LARGE1: variants seen among roughly 807,000 people sequenced by gnomAD.
The protein encoded by LARGE1 is LARGE xylosyl- and glucuronyltransferase 1, also known as xylosyl- and glucuronyltransferase LARGE1.
LARGE1 carries 43 observed loss-of-function variants against 87.6 expected under a neutral mutation model. The observed-to-expected ratio is 0.49, with a 90% CI of 0.38 to 0.63. LARGE1 has a LOEUF of 0.63. Ranked by LOEUF, LARGE1 falls within the 30% of genes least tolerant of loss-of-function variation. The probability of loss-of-function intolerance (pLI) is 0.00; values close to 1 mark genes in which losing one functional copy is unlikely to be tolerated. For synonymous variants in LARGE1, 434 were observed against 394.6 expected, an observed-to-expected ratio of 1.10 and a Z score of -1.18; for missense variants, 802 against 1,000.2, an observed-to-expected ratio of 0.80 and a Z score of 2.67.
At chr22:33,915,614 C>T (rs922982821) in intron 1 of LARGE1, among the ~76,000 whole-genome samples, 12 of 152,012 alleles carry the variant, frequency 7.9e-5, no homozygotes, top group African/African-American at 1.9e-4. Flanking sequence ...AAATGCTGTA[C>T]GTAGAATGAT....
intron 13 of LARGE1, among the ~76,000 whole-genome samples, chr22:33,280,345 G>T (rs1311473868): frequency 6.8e-6 from 1 of 146,220 alleles, no homozygotes; most frequent in Non-Finnish European, 1.5e-5. Flanking sequence ...AAGAGAAAGA[G>T]AAAATTCTCT....
chr22:33,308,734 C>T (rs968088375), intron 11 of LARGE1, among the ~76,000 whole-genome samples: 6 of 152,256 alleles, frequency 3.9e-5, no homozygotes, highest in South Asian at 4.1e-4. Flanking sequence ...ACCTAGTTTA[C>T]GGCAGACACA....
chr22:33,671,643 G>A (rs1044169226), intron 2 of LARGE1, among the ~76,000 whole-genome samples: 3 of 152,178 alleles, frequency 2.0e-5, no homozygotes, highest in Non-Finnish European at 4.4e-5. Flanking sequence ...GGTGAAATCT[G>A]AAATGCTTAA....
chr22:33,427,912 C>T (rs1448174656), intron 7 of LARGE1, among the ~76,000 whole-genome samples: 1 of 152,228 alleles, frequency 6.6e-6, no homozygotes, highest in Non-Finnish European at 1.5e-5. Context: ...ACAAACATCT[C>T]ATATGCTTTT....
chr22:33,137,844 C>T, the LARGE1 span, among the ~76,000 whole-genome samples: 1 of 152,170 alleles, frequency 6.6e-6, no homozygotes, highest in East Asian at 1.9e-4. Context: ...AATCAGATTT[C>T]AGAAGATATA....
At chr22:33,099,396 G>C in the LARGE1 span, among the ~76,000 whole-genome samples, 1 of 151,048 alleles carries the variant, frequency 6.6e-6, no homozygotes, top group Non-Finnish European at 1.5e-5. Context: ...TGGGATTACA[G>C]ACATGCGCCA....
chr22:33,451,487 C>T (rs1432390072), intron 6 of LARGE1, among the ~76,000 whole-genome samples: 2 of 151,942 alleles, frequency 1.3e-5, no homozygotes, highest in African/African-American at 2.4e-5. Context: ...ACCCAATGTA[C>T]AGTCTTTTAT....
chr22:33,446,880 C>G (rs1045393954), intron 6 of LARGE1, among the ~76,000 whole-genome samples: 2 of 152,180 alleles, frequency 1.3e-5, no homozygotes, highest in Admixed American at 6.5e-5. Flanking sequence ...CTGATGTGGT[C>G]AGAATTGTGG....
intron 1 of LARGE1, among the ~76,000 whole-genome samples, chr22:33,846,496 G>C (rs1321508228): frequency 6.6e-6 from 1 of 152,000 alleles, no homozygotes; most frequent in Admixed American, 6.6e-5. Context: ...ATGAAATCTG[G>C]GCACCTTGAA....
chr22:33,777,246 A>G (rs1256915865), intron 1 of LARGE1, among the ~76,000 whole-genome samples: 1 of 152,172 alleles, frequency 6.6e-6, no homozygotes, highest in Non-Finnish European at 1.5e-5. Flanking sequence ...GGACTGGGAC[A>G]GGACTTGAAT....
At chr22:33,535,679 A>T (rs2077022313) in intron 6 of LARGE1, among the ~76,000 whole-genome samples, 1 of 152,072 alleles carries the variant, frequency 6.6e-6, no homozygotes, top group Admixed American at 6.6e-5. Context: ...ACCCCCTCAT[A>T]GGGCTGGGGA....
chr22:33,299,854 A>T (rs1438624409), intron 12 of LARGE1, among the ~76,000 whole-genome samples: 1 of 152,226 alleles, frequency 6.6e-6, no homozygotes, highest in Non-Finnish European at 1.5e-5. Flanking sequence ...AAAGCTGTAC[A>T]TCCAGGAGCT....
the LARGE1 span, among the ~76,000 whole-genome samples, chr22:33,144,452 G>GTT: frequency 3.9e-5 from 6 of 152,022 alleles, no homozygotes; most frequent in African/African-American, 1.2e-4. Flanking sequence ...CATATATTGA[G>GTT]TTATATATAT....
At chr22:33,639,248 G>A (rs760277313) in intron 3 of LARGE1, among the ~76,000 whole-genome samples, 4 of 152,168 alleles carry the variant, frequency 2.6e-5, no homozygotes, top group Non-Finnish European at 5.9e-5. Flanking sequence ...AAGAAAGGGA[G>A]GTTGGGTCAG....
intron 6 of LARGE1, among the ~76,000 whole-genome samples, chr22:33,487,788 G>A (rs530355844): frequency 6.6e-6 from 1 of 152,140 alleles, no homozygotes; most frequent in Non-Finnish European, 1.5e-5. Context: ...GCTGCTCACT[G>A]ACGGCAAGAC....
intron 1 of LARGE1, among the ~76,000 whole-genome samples, chr22:33,919,373 AAGC>A (rs2065876941): frequency 6.6e-6 from 1 of 152,180 alleles, no homozygotes; most frequent in African/African-American, 2.4e-5. Flanking sequence ...AAAACTTCAA[AAGC>A]AGTGACATTT....
chr22:33,209,051 T>C (rs1481890793), intron 11 of LARGE1, among the ~76,000 whole-genome samples: 1 of 152,220 alleles, frequency 6.6e-6, no homozygotes, highest in African/African-American at 2.4e-5. Context: ...TGTGTTTTTA[T>C]AATAGAATGA....
the LARGE1 span, among the ~76,000 whole-genome samples, chr22:33,095,739 G>A: frequency 6.6e-6 from 1 of 152,182 alleles, no homozygotes; most frequent in Admixed American, 6.5e-5. Context: ...TAGGTCCTGT[G>A]GTAGGCACGG....
intron 6 of LARGE1, among the ~76,000 whole-genome samples, chr22:33,534,866 C>A (rs974323672): frequency 6.6e-6 from 1 of 152,210 alleles, no homozygotes; most frequent in Non-Finnish European, 1.5e-5. Context: ...ATCTGTAAAA[C>A]CCCCAAAAGA....
Sources: allele counts gnomAD v4.1 joint callset (sites outside exome capture counted in the v4.1 genomes callset), GRCh38; gene constraint gnomAD v4.1.1; transcripts MANE v1.5; gene names NCBI Gene and HGNC (gene_info 2026-07-23, HGNC 2026-07-21).